Variants in GLOD4 observed in about 807,000 individuals in gnomAD.
The protein encoded by GLOD4 is glyoxalase domain containing 4, also known as glyoxalase domain-containing protein 4.
In GLOD4, 44 loss-of-function variants were observed where a neutral mutation model predicts 39.1. The ratio of observed to expected loss-of-function variants is 1.13; its 90% confidence interval spans 0.88 to 1.45. The LOEUF is 1.45. GLOD4 is among the 40% of genes most tolerant of loss of function. GLOD4 has a pLI of 0.00. For missense variants in GLOD4, 405 were observed against 366.4 expected (o/e 1.11, Z -0.86); for synonymous variants, 145 against 135.0 (o/e 1.07, Z -0.52).
chr17:783,349 CTTTTT>C, upstream of GLOD4: 1 of 1,325,204 alleles, frequency 7.5e-7, no homozygotes, highest in Non-Finnish European at 1.0e-6. Flanking sequence ...CCCAGTGTAT[CTTTTT>C]TTTTTTTTGT....
intron 8 of GLOD4, among the ~76,000 whole-genome samples, chr17:768,903 C>T (rs1008813795): frequency 6.7e-6 from 1 of 149,624 alleles, no homozygotes; most frequent in Non-Finnish European, 1.5e-5. Context: ...AGAGAAACAG[C>T]GCGCACTCAG....
At chr17:771,224 C>A in intron 5 of GLOD4, 101 bp downstream of exon 5, 2 of 690,416 alleles carry the variant, frequency 2.9e-6, no homozygotes, top group South Asian at 2.1e-5. Context: ...ATGGGAACAA[C>A]CTTCATGTTA....
chr17:760,319 G>A (rs776505936), intron 8 of GLOD4, 81 bp from the exon 9 acceptor site: 17 of 726,002 alleles, frequency 2.3e-5, no homozygotes, highest in Middle Eastern at 2.4e-4. Flanking sequence ...TCACTGTACT[G>A]ACCACAATAA....
intron 8 of GLOD4, among the ~76,000 whole-genome samples, chr17:767,342 A>T (rs1175791434): frequency 2.0e-5 from 3 of 152,242 alleles, no homozygotes. Flanking sequence ...ACTGAGTTTG[A>T]TGAGAATCTA....
At chr17:770,676 A>C in intron 5 of GLOD4, 169 bp from the exon 6 acceptor site, 1 of 539,332 alleles carries the variant, frequency 1.9e-6, no homozygotes, top group Non-Finnish European at 3.3e-6. Flanking sequence ...ATCCTTCTAG[A>C]AGCACTGCAC....
chr17:771,109 A>T (rs909048322), intron 5 of GLOD4: 14 of 371,534 alleles, frequency 3.8e-5, no homozygotes, highest in African/African-American at 3.0e-4. Context: ...TCCACTTCTG[A>T]AGAGATATAT....
chr17:761,163 G>A (rs1436584454), intron 8 of GLOD4, among the ~76,000 whole-genome samples: 1 of 152,190 alleles, frequency 6.6e-6, no homozygotes, highest in East Asian at 1.9e-4. Flanking sequence ...ATGACAGAGT[G>A]TGTGTACGCA....
At chr17:778,275 G>A (rs1258577738) in intron 2 of GLOD4, 2 of 292,010 alleles carry the variant, frequency 6.8e-6, no homozygotes, top group African/African-American at 4.3e-5. Context: ...TGAAGATCCA[G>A]ACTGTGACCG....
At chr17:783,980 T>C (rs1004336652), upstream of GLOD4, among the ~76,000 whole-genome samples, 3 of 152,212 alleles carry the variant, frequency 2.0e-5, no homozygotes, top group African/African-American at 7.2e-5. Context: ...TAACTGTCAA[T>C]AAACTGCTTA....
At chr17:770,933 C>T (rs1907851296) in intron 5 of GLOD4, 1 of 199,498 alleles carries the variant, frequency 5.0e-6, no homozygotes, top group Non-Finnish European at 1.0e-5. Context: ...CTTGCACACA[C>T]TTCTTTGTGC....
rs1191821331 is a variant in GLOD4, at chr17:760,162, C to G, written c.*11G>C. 1 of 1,541,138 alleles carries G rather than the reference C, an allele frequency of 6.5e-7. No homozygotes were observed. Among genetic ancestry groups the G allele is most frequent in the East Asian group, 2.2e-5 (1 of 44,522 alleles). The stretch of plus-strand genomic sequence containing the variant: ...GGAATCACAGAGGCTTGCTCTGCAT[C>G]ATGTCTTCCGTTAACCTGAAGCTTT... On this transcript the variant is annotated 3_prime_UTR_variant, in exon 9 of 9. Transcript: ENST00000301329.
In GLOD4 at chr17:760,243, A is replaced by G; in HGVS notation, c.832-5T>C. The G allele has an allele frequency of 6.5e-7, 1 of 1,536,764 alleles. No individual in the cohort carries two copies. Among genetic ancestry groups the G allele is most frequent in the Non-Finnish European group, 9.0e-7 (1 of 1,109,198 alleles). On this transcript the variant is annotated splice_region_variant and splice_polypyrimidine_tract_variant and intron_variant, in intron 8 of 8. Coordinates refer to ENST00000301329, the MANE Select transcript of GLOD4 (RefSeq NM_016080.4). The stretch of plus-strand genomic sequence containing the variant: ...ACTTTTATCTGCTGCCATTGCCTGT[A>G]AAATAGAAATAGAATATACACTGAC...
chr17:775,065 G>C (rs150699681), intron 4 of GLOD4, among the ~76,000 whole-genome samples: 1 of 145,912 alleles, frequency 6.9e-6, no homozygotes, highest in Non-Finnish European at 1.5e-5. Context: ...GCAAGACTCC[G>C]TCTCAAAAAA....
intron 8 of GLOD4, among the ~76,000 whole-genome samples, chr17:767,842 AAC>A (rs1906953658): frequency 6.9e-6 from 1 of 145,826 alleles, no homozygotes; most frequent in Non-Finnish European, 1.5e-5. Flanking sequence ...GTGAGAGAGA[AAC>A]AGCGCGCACT....
intron 5 of GLOD4, 151 bp downstream of exon 5, chr17:771,174 C>T (rs932943089): frequency 5.5e-6 from 3 of 542,558 alleles, no homozygotes; most frequent in African/African-American, 3.9e-5. Context: ...TTATTTTCTT[C>T]TGTTTATCTA....
At chr17:781,353 CA>C (rs1268284463) in intron 1 of GLOD4, among the ~76,000 whole-genome samples, 1 of 152,222 alleles carries the variant, frequency 6.6e-6, no homozygotes, top group Non-Finnish European at 1.5e-5. Context: ...CATCTACGTA[CA>C]AATCCAGTTC....
chr17:769,839 T>C (rs1907610859), intron 8 of GLOD4, 30 bp downstream of exon 8: 1 of 1,248,276 alleles, frequency 8.0e-7, no homozygotes, highest in Non-Finnish European at 1.2e-6. Flanking sequence ...CTCAGGCCCA[T>C]GGTGACATAA....
upstream of GLOD4, chr17:783,031 G>A (rs1259577764): frequency 6.4e-7 from 1 of 1,557,848 alleles, no homozygotes; most frequent in Non-Finnish European, 8.7e-7. Flanking sequence ...GCGTGTCTCA[G>A]TAACAAGGAT....
intron 8 of GLOD4, among the ~76,000 whole-genome samples, chr17:761,255 C>G (rs1905375948): frequency 6.6e-6 from 1 of 152,108 alleles, no homozygotes; most frequent in African/African-American, 2.4e-5. Flanking sequence ...AAAGAAGAAA[C>G]AAATATATTT....
Sources: allele counts gnomAD v4.1 joint callset (sites outside exome capture counted in the v4.1 genomes callset), GRCh38; gene constraint gnomAD v4.1.1; transcripts MANE v1.5; gene names NCBI Gene and HGNC (gene_info 2026-07-23, HGNC 2026-07-21).